WDR89: variants seen among roughly 807,000 people sequenced by gnomAD.
WDR89 encodes the protein WD repeat-containing protein 89.
Under a neutral mutation model 29.1 loss-of-function variants are expected in WDR89, and 17 were observed. That is an observed-to-expected ratio of 0.58 (90% CI 0.40 to 0.88). The LOEUF (loss-of-function observed/expected upper bound fraction) is 0.88, where lower values mean the gene tolerates loss of function less well. Ranked by LOEUF, WDR89 falls within the 40% of genes least tolerant of loss-of-function variation. The probability of loss-of-function intolerance (pLI) is 0.00; values close to 1 mark genes in which losing one functional copy is unlikely to be tolerated. For synonymous variants in WDR89, 138 were observed against 157.8 expected, an observed-to-expected ratio of 0.87 and a Z score of 0.94; for missense variants, 396 against 456.3, an observed-to-expected ratio of 0.87 and a Z score of 1.20.
intron 2 of WDR89, among the ~76,000 whole-genome samples, chr14:63,624,104 A>G (rs1303549414): frequency 6.6e-6 from 1 of 152,172 alleles, no homozygotes; most frequent in Non-Finnish European, 1.5e-5. Flanking sequence ...TAAAACACAA[A>G]AAGTACAAAC....
intron 2 of WDR89, among the ~76,000 whole-genome samples, chr14:63,618,595 A>G (rs1882467445): frequency 1.3e-5 from 2 of 152,216 alleles, no homozygotes; most frequent in Non-Finnish European, 2.9e-5. Context: ...AAGTAGAAGA[A>G]GAAAGAGAAA....
chr14:63,624,510 T>C (rs1882911379), intron 2 of WDR89, among the ~76,000 whole-genome samples: 1 of 133,120 alleles, frequency 7.5e-6, no homozygotes, highest in South Asian at 2.2e-4. Context: ...AAAGAAATAT[T>C]TAAAAAAAAA....
chr14:63,637,016 C>CT (rs1341869757), intron 1 of WDR89, among the ~76,000 whole-genome samples: 1 of 152,072 alleles, frequency 6.6e-6, no homozygotes, highest in East Asian at 1.9e-4. Context: ...ATCTATACAT[C>CT]TGACAAAGGA....
chr14:63,632,439 T>C (rs1444646775), intron 1 of WDR89, among the ~76,000 whole-genome samples: 2 of 152,132 alleles, frequency 1.3e-5, no homozygotes, highest in African/African-American at 4.8e-5. Context: ...AAGACCAGCC[T>C]GGCCAACATG....
intron 1 of WDR89, among the ~76,000 whole-genome samples, chr14:63,640,712 G>A (rs1305810183): frequency 6.6e-6 from 1 of 150,736 alleles, no homozygotes; most frequent in Non-Finnish European, 1.5e-5. Context: ...TCCTGACCTC[G>A]TGATCCGCCC....
intron 1 of WDR89, among the ~76,000 whole-genome samples, chr14:63,633,723 A>G (rs1242853746): frequency 6.6e-6 from 1 of 152,200 alleles, no homozygotes; most frequent in African/African-American, 2.4e-5. Flanking sequence ...TAAGTTCTAA[A>G]CTCATTTCCT....
Position 63,597,079 on chromosome 14 carries a change from G to C in WDR89, c.*1700C>G, listed in dbSNP as rs1595010224. 6.6e-6 allele frequency: 1 copy of C among 152,228 alleles called. No homozygotes were observed. The highest frequency in any genetic ancestry group is 2.4e-5 in the African/African-American group (1 of 41,450). The allele number at this position is 152,228 out of a possible 1,614,324, so 9.4% of individuals were successfully genotyped here. On this transcript the variant is annotated 3_prime_UTR_variant, in exon 3 of 3. Coordinates refer to ENST00000620954, the MANE Select transcript of WDR89 (RefSeq NM_080666.4). ...AGTGTTTAATTGACTGAAGAGTTCA[G>C]CATGGCCAGGGAGGCCTCAAGAAAC...
At chr14:63,618,624 GATCA>G (rs746327185) in intron 2 of WDR89, among the ~76,000 whole-genome samples, 5 of 151,972 alleles carry the variant, frequency 3.3e-5, no homozygotes, top group Non-Finnish European at 5.9e-5. Flanking sequence ...TCAGAGGATT[GATCA>G]ATCAATCTAA....
rs1212119686 is a variant in WDR89, at chr14:63,599,086, G to C, written c.857C>G (p.Thr286Arg). Residue 286 changes from threonine (T) to arginine (R), a missense_variant, in exon 3 of 3, where the codon ACA (threonine) becomes AGA (arginine). Physicochemically the swap from Thr to Arg is moderately conservative, Grantham distance 71 (BLOSUM62 -1). Transcript: ENST00000620954. ...YLIGGLYHEKTDTLHVIGGTN... is the reference protein window; with the variant it reads ...YLIGGLYHEKRDTLHVIGGTN... ...TCCTCCAATAACATGCAATGTGTCT[G>C]TCTTTTCATGATATAGGCCACCAAT... is the stretch of plus-strand genomic sequence containing the variant. 3.7e-6 allele frequency: 6 copies of C among 1,613,972 alleles called. No individual in the cohort carries two copies. Among genetic ancestry groups the C allele is most frequent in the African/African-American group, 1.3e-5 (1 of 74,920 alleles).
intron 2 of WDR89, among the ~76,000 whole-genome samples, chr14:63,610,220 A>T (rs7154923): frequency 0.026 from 1,237 of 48,104 alleles, 13 homozygotes; most frequent in African/African-American, 0.16. Context: ...ACTCTGTCTT[A>T]AAAAAAAAAA....
intron 2 of WDR89, among the ~76,000 whole-genome samples, chr14:63,613,016 T>G (rs1882084777): frequency 6.6e-6 from 1 of 152,176 alleles, no homozygotes; most frequent in Non-Finnish European, 1.5e-5. Context: ...TCATTAGTTT[T>G]TGCCAGTGGA....
chr14:63,625,386 ATTCATCAAAC>A (rs879935804), intron 1 of WDR89, among the ~76,000 whole-genome samples: 13,928 of 152,178 alleles, frequency 0.092, 1,250 homozygotes, highest in African/African-American at 0.24. Context: ...ACAACTGTGT[ATTCATCAAAC>A]TACATACTTA....
chr14:63,632,111 C>CA (rs1272733059), intron 1 of WDR89, among the ~76,000 whole-genome samples: 2 of 141,080 alleles, frequency 1.4e-5, no homozygotes, highest in Non-Finnish European at 1.5e-5. Flanking sequence ...GACTCTGCCT[C>CA]AAAAAAACAA....
chr14:63,611,488 TG>T (rs548651828), intron 2 of WDR89, among the ~76,000 whole-genome samples: 138 of 152,148 alleles, frequency 9.1e-4, no homozygotes, highest in African/African-American at 3.2e-3. Flanking sequence ...AGGACATTCA[TG>T]GAAGACCTGG....
At chr14:63,608,697 C>CACACACACACAA (rs1461572018) in intron 2 of WDR89, among the ~76,000 whole-genome samples, 4 of 151,696 alleles carry the variant, frequency 2.6e-5, no homozygotes, top group African/African-American at 7.3e-5. Flanking sequence ...CACACACACA[C>CACACACACACAA]AAATAGGTTT....
chr14:63,613,117 T>G (rs1882089778), intron 2 of WDR89, among the ~76,000 whole-genome samples: 1 of 152,198 alleles, frequency 6.6e-6, no homozygotes, highest in African/African-American at 2.4e-5. Context: ...TGGAGAAGAC[T>G]CCTTGGTCCT....
Position 63,599,535 on chromosome 14 carries a change from T to A in WDR89, c.408A>T (p.Lys136Asn), listed in dbSNP as rs148702795. ...ACACCAACAATGCATCATCATCAAC[T>A]TTTTCTGTACCAGCACAAATAATAT... ...NDHIICAGTE[K>N]VDDDALLVFW... The change falls in exon 3 of 3, where the codon AAA (lysine) becomes AAT (asparagine). Residue 136 changes from lysine to asparagine, a missense_variant. By Grantham distance (94) the Lys-to-Asn change is moderately conservative (BLOSUM62 0). Transcript: ENST00000620954. 221 of 1,613,672 alleles carry A rather than the reference T, an allele frequency of 1.4e-4. No homozygotes were observed. Among genetic ancestry groups the A allele is most frequent in the Non-Finnish European group, 1.7e-4 (201 of 1,179,914 alleles).
rs775021483 is a variant in WDR89 at position 63,599,723 on chromosome 14, T to C, written c.220A>G (p.Asn74Asp). The change falls in exon 3 of 3, where the codon AAT becomes GAT. Residue 74 changes from asparagine to aspartate, a missense_variant. Coordinates refer to ENST00000620954, the MANE Select transcript of WDR89 (RefSeq NM_080666.4). ...REFSGYPGLL[N>D]GVRFANSCDS... ...CAGGAATTTGCAAATCTGACTCCAT[T>C]AAGAAGTCCAGGATATCCACTAAAT... 2 of 1,614,204 alleles carry C rather than the reference T, an allele frequency of 1.2e-6. No homozygotes were observed. The highest frequency in any genetic ancestry group is 2.2e-5 in the South Asian group (2 of 91,090).
At chr14:63,638,885 A>C (rs1204660683) in intron 1 of WDR89, among the ~76,000 whole-genome samples, 1 of 152,240 alleles carries the variant, frequency 6.6e-6, no homozygotes, top group Admixed American at 6.5e-5. Flanking sequence ...TAATTCCTGG[A>C]ATCTATGACT....
Sources: gnomAD v4.1 joint callset for allele counts (sites outside exome capture counted in the v4.1 genomes callset) on GRCh38, gnomAD v4.1.1 for gene constraint, MANE v1.5 for transcripts, NCBI Gene and HGNC (gene_info 2026-07-23, HGNC 2026-07-21) for gene names.